Variants in LSR observed in about 807,000 individuals in gnomAD.
LSR encodes lipolysis stimulated lipoprotein receptor.
LSR carries 44 observed loss-of-function variants against 61.8 expected under a neutral mutation model. That is an observed-to-expected ratio of 0.71 (90% CI 0.56 to 0.91). The LOEUF (loss-of-function observed/expected upper bound fraction) is 0.91, where lower values mean the gene tolerates loss of function less well. Ranked by LOEUF, LSR falls within the 40% of genes least tolerant of loss-of-function variation. The probability of loss-of-function intolerance (pLI) is 0.00; values close to 1 mark genes in which losing one functional copy is unlikely to be tolerated. For synonymous variants in LSR, 397 were observed against 350.6 expected, an observed-to-expected ratio of 1.13 and a Z score of -1.48; for missense variants, 911 against 830.5, an observed-to-expected ratio of 1.10 and a Z score of -1.19.
chr19:35,250,610 T>G lies in LSR; in HGVS notation c.405T>G (p.Ala135=). 7 of 1,600,524 alleles carry G rather than the reference T, an allele frequency of 4.4e-6. No individual in the cohort carries two copies. Among genetic ancestry groups the G allele is most frequent in the Non-Finnish European group, 6.0e-6 (7 of 1,170,472 alleles). ...TCGTGGCCACCAAGCAGGGCAACGCTGTGACCCTGGGAGATTACTACCAGG... is the reference window on the plus strand; with the variant it reads ...TCGTGGCCACCAAGCAGGGCAACGCGGTGACCCTGGGAGATTACTACCAGG... ...VRVVATKQGN[A]VTLGDYYQGR... is the part of the protein sequence containing the mutation. Residue 135 remains alanine, a synonymous_variant, in exon 2 of 10, where the codon GCT becomes GCG. Coordinates refer to ENST00000605618, the MANE Select transcript of LSR (RefSeq NM_205834.4).
At position 35,267,303 on chromosome 19, in the gene LSR, G is replaced by GACGC. The variant is rs758306423; in HGVS notation, c.1340_1343dup (p.Leu449ArgfsTer21). ...CAGGCGGCCCCGGGCCCGCTCCGTG[G>GACGC]ACGCCCTGGACGACCTCACCCCGCC... On this transcript the variant is annotated frameshift_variant, in exon 9 of 10. Transcript: ENST00000605618. LOFTEE classifies it high-confidence loss of function. 16 of 1,544,242 alleles carry GACGC rather than the reference G, an allele frequency of 1.0e-5. No homozygotes were observed. The highest frequency in any genetic ancestry group is 1.4e-5 in the African/African-American group (1 of 73,180).
At position 35,267,653 on chromosome 19, in the gene LSR, G is replaced by C; in HGVS notation, c.1689G>C (p.Glu563Asp). Residue 563 changes from glutamate to aspartate, a missense_variant, in exon 9 of 10, where the codon GAG (glutamate) becomes GAC (aspartate). Glu to Asp is a conservative substitution (Grantham distance 45, BLOSUM62 2). Transcript: ENST00000605618. ...GGAGGAGACCCCACAAGGAGGAGGA[G>C]GAAGAGGCCTACTACCCGCCCGCGC... ...EERRRPHKEE[E>D]EEAYYPPAPP... is the part of the protein sequence containing the mutation. 6.2e-7 allele frequency: 1 copy of C among 1,609,750 alleles called. No homozygotes were observed. Among genetic ancestry groups the C allele is most frequent in the Non-Finnish European group, 8.5e-7 (1 of 1,178,520 alleles).
In LSR at chr19:35,259,071, G is replaced by C. The variant is rs774422850; in HGVS notation, c.574+7G>C. The C allele has an allele frequency of 6.2e-7, 1 of 1,611,030 alleles. No homozygotes were observed. The highest frequency in any genetic ancestry group is 1.3e-5 in the African/African-American group (1 of 74,836). On this transcript the variant is annotated splice_region_variant and intron_variant, in intron 3 of 9. Coordinates refer to ENST00000605618, the MANE Select transcript of LSR (RefSeq NM_205834.4). ...GCAGAGCTCATCGTCCTTGGTGAGTGGGCCTGGGAAGGGGGAGGCATGGCC... is the reference window on the plus strand; with the variant it reads ...GCAGAGCTCATCGTCCTTGGTGAGTCGGCCTGGGAAGGGGGAGGCATGGCC...
chr19:35,256,546 G>A (rs2065858811), intron 2 of LSR, among the ~76,000 whole-genome samples: 1 of 152,184 alleles, frequency 6.6e-6, no homozygotes, highest in Admixed American at 6.5e-5. Flanking sequence ...AGTTAGTATT[G>A]TTGGGAAAAT....
chr19:35,264,324 C>CT (rs1568446879), intron 5 of LSR: 1 of 152,074 alleles, frequency 6.6e-6, no homozygotes, highest in African/African-American at 2.4e-5. Flanking sequence ...GGACCTAACT[C>CT]TATGAGAGGA....
At chr19:35,259,972 CAT>C (rs2065905672) in intron 3 of LSR, among the ~76,000 whole-genome samples, 5 of 152,364 alleles carry the variant, frequency 3.3e-5, no homozygotes, top group South Asian at 2.1e-4. Context: ...TCTTGTATGA[CAT>C]GTGCTCTGCA....
chr19:35,266,609 AAG>A (rs2145547543), intron 6 of LSR, 68 bp from the exon 7 acceptor site: 7 of 1,601,972 alleles, frequency 4.4e-6, no homozygotes, highest in Middle Eastern at 1.8e-4. Context: ...GGCTGGAAGG[AAG>A]AGTGTCTTGG....
rs772347591 is a variant in LSR, at chr19:35,249,063, C to T, written c.41C>T (p.Ser14Phe). ...GGCGGGCTCTCCAGAGGGCTGGGCT[C>T]CCACCCGGCCGCCGCAGGCCGGGAC... ...LAGGLSRGLG[S>F]HPAAAGRDAV... The change falls in exon 1 of 10, where the codon TCC becomes TTC. Residue 14 changes from serine (S) to phenylalanine (F), a missense_variant. Transcript: ENST00000605618. 2.5e-6 allele frequency: 4 copies of T among 1,570,116 alleles called. No homozygotes were observed. Among genetic ancestry groups the T allele is most frequent in the Admixed American group, 1.9e-5 (1 of 52,178 alleles).
In LSR at chr19:35,259,329, C is replaced by T. The variant is rs75107940; in HGVS notation, c.574+265C>T. On this transcript the variant is annotated intron_variant, in intron 3 of 9. Transcript: ENST00000605618. ...ATTGGAGACTCTGCCTTTTCAAAGT[C>T]TCATTTTTAAAAAAAATCCAGACTT... 3.3e-3 allele frequency: 1,039 copies of T among 313,440 alleles called. 14 individuals carry two copies. Among genetic ancestry groups the T allele is most frequent in the African/African-American group, 0.021 (941 of 45,344 alleles). 19.4% of individuals were successfully genotyped at this position (313,440 alleles called of 1,614,324 possible).
chr19:35,250,381 T>C lies in LSR; in HGVS notation c.176T>C (p.Val59Ala). ...CACGTGGTGATCCTCTTCCAGCCTG[T>C]GACCCTGCCCTGTACCTACCAGATG... ...PYHVVILFQP[V>A]TLPCTYQMTS... is the part of the protein sequence containing the mutation. Residue 59 changes from valine (V) to alanine (A), a missense_variant, in exon 2 of 10, where the codon GTG becomes GCG. Transcript: ENST00000605618. The C allele has an allele frequency of 6.2e-7, 1 of 1,601,734 alleles. No homozygotes were observed. Among genetic ancestry groups the C allele is most frequent in the Non-Finnish European group, 8.5e-7 (1 of 1,171,294 alleles).
chr19:35,253,312 C>T lies in LSR; in HGVS notation c.454+2653C>T, dbSNP rs1440853436. Reference sequence around the variant, plus strand: ...TCTAGCCTGGGAAACAGTGAGACTCCGTCTTAAAAAAAAAAGAAAAAAGAA... The same window carrying T: ...TCTAGCCTGGGAAACAGTGAGACTCTGTCTTAAAAAAAAAAGAAAAAAGAA... On this transcript the variant is annotated intron_variant, in intron 2 of 9. Coordinates refer to ENST00000605618, the MANE Select transcript of LSR (RefSeq NM_205834.4). The T allele has an allele frequency of 2.6e-5, 4 of 151,696 alleles. No individual in the cohort carries two copies. The South Asian group carries it at 6.2e-4, about 24-fold the overall frequency. The allele number at this position is 151,696 out of a possible 1,614,324, so 9.4% of individuals were successfully genotyped here.
At chr19:35,260,012 C>T (rs537891060) in intron 3 of LSR, among the ~76,000 whole-genome samples, 1 of 152,282 alleles carries the variant, frequency 6.6e-6, no homozygotes, top group Non-Finnish European at 1.5e-5. Context: ...CTGTACACTG[C>T]CATCTTCACA....
intron 1 of LSR, chr19:35,249,378 G>A (rs1049491457): frequency 1.6e-5 from 8 of 507,404 alleles, no homozygotes; most frequent in Admixed American, 4.1e-5. Context: ...GGTGAGACCC[G>A]GAGCGGCAGG....
Position 35,267,647 on chromosome 19 carries a change from G to A in LSR, c.1683G>A (p.Glu561=), listed in dbSNP as rs200615126. ...GSEERRRPHK[E]EEEEAYYPPA... Reference sequence around the variant, plus strand: ...AGGAGAGGAGGAGACCCCACAAGGAGGAGGAGGAAGAGGCCTACTACCCGC... The same window carrying A: ...AGGAGAGGAGGAGACCCCACAAGGAAGAGGAGGAAGAGGCCTACTACCCGC... The change falls in exon 9 of 10, where the codon GAG becomes GAA. Residue 561 remains glutamate (E), a synonymous_variant. Coordinates refer to ENST00000605618, the MANE Select transcript of LSR (RefSeq NM_205834.4). 2.5e-5 allele frequency: 41 copies of A among 1,610,686 alleles called. No homozygotes were observed. The highest frequency in any genetic ancestry group is 1.7e-4 in the Middle Eastern group (1 of 6,016).
In LSR at chr19:35,259,050, A is replaced by T; in HGVS notation, c.560A>T (p.Glu187Val). The part of the protein sequence containing the change: ...DLQGNNEAYA[E>V]LIVLGRTSGV... ...CAGGGGAACAATGAGGCCTACGCAG[A>T]GCTCATCGTCCTTGGTGAGTGGGCC... is the stretch of plus-strand genomic sequence containing the variant. The change falls in exon 3 of 10, where the codon GAG (glutamate) becomes GTG (valine). Residue 187 changes from glutamate to valine, a missense_variant. Transcript: ENST00000605618. The T allele has an allele frequency of 1.2e-6, 2 of 1,613,720 alleles. No individual in the cohort carries two copies. Among genetic ancestry groups the T allele is most frequent in the Non-Finnish European group, 1.7e-6 (2 of 1,179,792 alleles).
At chr19:35,254,856 T>C (rs1364223699) in intron 2 of LSR, among the ~76,000 whole-genome samples, 8 of 152,132 alleles carry the variant, frequency 5.3e-5, no homozygotes, top group Non-Finnish European at 1.2e-4. Flanking sequence ...AAAACTATAT[T>C]TTTTGTGAGT....
In LSR at chr19:35,267,625, AGAG is replaced by A. The variant is rs1370643301; in HGVS notation, c.1668_1670del (p.Arg557del). Reference sequence around the variant, plus strand: ...GCTGTGAGGAAGAAGGGGTCGGAGGAGAGGAGGAGACCCCACAAGGAGGAGGAG... The same window carrying A: ...GCTGTGAGGAAGAAGGGGTCGGAGGAGAGGAGACCCCACAAGGAGGAGGAG... On this transcript the variant is annotated inframe_deletion, in exon 9 of 10. Coordinates refer to ENST00000605618, the MANE Select transcript of LSR (RefSeq NM_205834.4). 1.2e-6 allele frequency: 2 copies of A among 1,612,050 alleles called. No homozygotes were observed. Among genetic ancestry groups the A allele is most frequent in the South Asian group, 1.1e-5 (1 of 91,012 alleles).
chr19:35,261,419 T>C (rs898999893), intron 3 of LSR, among the ~76,000 whole-genome samples: 2 of 152,222 alleles, frequency 1.3e-5, no homozygotes, highest in Middle Eastern at 3.2e-3. Flanking sequence ...GACACATGCC[T>C]GTAGCCCTAG....
chr19:35,264,897 A>T (rs2065976592), intron 5 of LSR: 1 of 152,118 alleles, frequency 6.6e-6, no homozygotes. Flanking sequence ...CAGCCTCAGT[A>T]GTGACTGAGG....
Sources: allele counts gnomAD v4.1 joint callset (sites outside exome capture counted in the v4.1 genomes callset), GRCh38; gene constraint gnomAD v4.1.1; transcripts MANE v1.5; gene names NCBI Gene and HGNC (gene_info 2026-07-23, HGNC 2026-07-21).